Variants in DPP6 observed in about 807,000 individuals in gnomAD.
DPP6 encodes dipeptidyl peptidase like 6.
In DPP6, 69 loss-of-function variants were observed where a neutral mutation model predicts 122.6. The observed-to-expected ratio is 0.56, with a 90% CI of 0.46 to 0.69. The LOEUF is 0.69. Among genes scored for constraint, DPP6 ranks in the 30% least tolerant of loss-of-function variants. The probability of loss-of-function intolerance (pLI) is 0.00; values close to 1 mark genes in which losing one functional copy is unlikely to be tolerated. For synonymous variants in DPP6, 418 were observed against 433.1 expected, an observed-to-expected ratio of 0.97 and a Z score of 0.43; for missense variants, 928 against 1,116.9, an observed-to-expected ratio of 0.83 and a Z score of 2.41.
At position 154,308,513 on chromosome 7, in the gene DPP6, T is replaced by C. The variant is rs544002961; in HGVS notation, c.244-137701T>C. Among the ~76,000 whole-genome samples, 6 of 152,190 alleles carry C rather than the reference T, an allele frequency of 3.9e-5. 1 individual carries two copies. Among genetic ancestry groups the C allele is most frequent in the Non-Finnish European group, 7.3e-5 (5 of 68,048 alleles). On this transcript the variant is annotated intron_variant, in intron 1 of 25. Transcript: ENST00000377770. ...GAAGCAATATATACTTTAATCTGCATGAACTGAGTTGATCCTTTGGCTCTG... is the reference window on the plus strand; with the variant it reads ...GAAGCAATATATACTTTAATCTGCACGAACTGAGTTGATCCTTTGGCTCTG...
chr7:154,684,451 A>T (rs901022229), intron 7 of DPP6, among the ~76,000 whole-genome samples: 1 of 152,244 alleles, frequency 6.6e-6, no homozygotes, highest in African/African-American at 2.4e-5. Flanking sequence ...TGACTCAGTC[A>T]ATTAAGGCAT....
chr7:154,707,490 A>G (rs559052187), intron 7 of DPP6, among the ~76,000 whole-genome samples: 95 of 152,330 alleles, frequency 6.2e-4, no homozygotes, highest in African/African-American at 2.2e-3. Flanking sequence ...CACTCAGAAT[A>G]AACAGTTATA....
chr7:154,388,365 T>C (rs929024889), intron 1 of DPP6, among the ~76,000 whole-genome samples: 1 of 152,216 alleles, frequency 6.6e-6, no homozygotes, highest in Non-Finnish European at 1.5e-5. Flanking sequence ...TTTATGTTCT[T>C]TTGAGACTTT....
intron 7 of DPP6, among the ~76,000 whole-genome samples, chr7:154,716,564 C>A (rs1841496013): frequency 6.6e-6 from 1 of 152,144 alleles, no homozygotes; most frequent in Admixed American, 6.5e-5. Flanking sequence ...ATATTATATG[C>A]TGCTCCTGGA....
the DPP6 span, among the ~76,000 whole-genome samples, chr7:153,824,972 G>A: frequency 5.3e-5 from 8 of 151,990 alleles, no homozygotes; most frequent in Non-Finnish European, 7.4e-5. Context: ...CAACTGGCCC[G>A]AGACAACTTA....
chr7:154,135,853 T>A (rs58122820), intron 1 of DPP6, among the ~76,000 whole-genome samples: 31 of 144,958 alleles, frequency 2.1e-4, no homozygotes, highest in African/African-American at 8.1e-4. Context: ...ACTTTCTCTC[T>A]GTGCACTTCC....
intron 1 of DPP6, among the ~76,000 whole-genome samples, chr7:154,436,369 C>T (rs917148051): frequency 6.6e-6 from 1 of 151,910 alleles, no homozygotes; most frequent in African/African-American, 2.4e-5. Context: ...AATTCTCTTC[C>T]TCAGAGCACC....
intron 12 of DPP6, among the ~76,000 whole-genome samples, chr7:154,797,159 G>A (rs540100513): frequency 3.9e-5 from 6 of 152,254 alleles, no homozygotes; most frequent in East Asian, 1.9e-4. Flanking sequence ...TGTAAACTCC[G>A]TTATCTATAT....
At chr7:154,260,896 GTTGT>G (rs571037511) in intron 1 of DPP6, among the ~76,000 whole-genome samples, 1 of 151,490 alleles carries the variant, frequency 6.6e-6, no homozygotes, top group South Asian at 2.1e-4. Flanking sequence ...GGTGTATTTT[GTTGT>G]TTGTTTGTTT....
chr7:154,649,351 A>G (rs1836717421), intron 6 of DPP6, among the ~76,000 whole-genome samples: 1 of 152,230 alleles, frequency 6.6e-6, no homozygotes, highest in East Asian at 1.9e-4. Context: ...ACATTTGCAC[A>G]CAGATTTTCA....
intron 7 of DPP6, among the ~76,000 whole-genome samples, chr7:154,717,726 C>T (rs765935006): frequency 1.3e-5 from 2 of 152,192 alleles, no homozygotes; most frequent in Non-Finnish European, 2.9e-5. Flanking sequence ...CGTATCTCAG[C>T]TTACTGATTT....
At chr7:154,374,752 C>T (rs930599899) in intron 1 of DPP6, among the ~76,000 whole-genome samples, 7 of 152,010 alleles carry the variant, frequency 4.6e-5, no homozygotes, top group Admixed American at 4.6e-4. Context: ...GCTGGGACTA[C>T]AGGCGCCTGC....
chr7:154,523,867 AC>A (rs1243837487), intron 3 of DPP6, among the ~76,000 whole-genome samples: 1 of 152,186 alleles, frequency 6.6e-6, no homozygotes, highest in Non-Finnish European at 1.5e-5. Context: ...TCTATTATAA[AC>A]ATGTTTTTCC....
At chr7:154,368,681 G>A (rs757992413) in intron 1 of DPP6, among the ~76,000 whole-genome samples, 13 of 152,140 alleles carry the variant, frequency 8.5e-5, no homozygotes, top group Non-Finnish European at 1.6e-4. Context: ...CCTAGAAAAC[G>A]TAGCATTCCT....
chr7:153,907,339 G>A (rs1307284658), intron 1 of DPP6, among the ~76,000 whole-genome samples: 1 of 152,110 alleles, frequency 6.6e-6, no homozygotes. Context: ...CAGCTGGATT[G>A]TTCAGTTTTG....
intron 1 of DPP6, among the ~76,000 whole-genome samples, chr7:154,144,002 C>A (rs1032709459): frequency 1.3e-5 from 2 of 151,342 alleles, no homozygotes; most frequent in Non-Finnish European, 3.0e-5. Context: ...AAATTTATAT[C>A]AGTTTATATT....
intron 1 of DPP6, among the ~76,000 whole-genome samples, chr7:154,303,582 A>G (rs1806054903): frequency 6.6e-6 from 1 of 152,164 alleles, no homozygotes; most frequent in South Asian, 2.1e-4. Flanking sequence ...CACAAAGACA[A>G]GCTGAGAACT....
intron 1 of DPP6, among the ~76,000 whole-genome samples, chr7:154,405,634 A>C (rs1816022579): frequency 6.6e-6 from 1 of 152,072 alleles, no homozygotes; most frequent in South Asian, 2.1e-4. Flanking sequence ...GTGGCTGAAC[A>C]GGGCCAGGCA....
At chr7:153,774,942 G>C in the DPP6 span, among the ~76,000 whole-genome samples, 1 of 151,872 alleles carries the variant, frequency 6.6e-6, no homozygotes, top group Admixed American at 6.6e-5. Context: ...CACTCCAGCA[G>C]TGTTCTGGGT....
Sources: allele counts gnomAD v4.1 joint callset (sites outside exome capture counted in the v4.1 genomes callset), GRCh38; gene constraint gnomAD v4.1.1; transcripts MANE v1.5; gene names NCBI Gene and HGNC (gene_info 2026-07-23, HGNC 2026-07-21).